The following DHDH variants were observed in gnomAD, a reference collection of about 807,000 sequenced individuals.
The protein encoded by DHDH is trans-1,2-dihydrobenzene-1,2-diol dehydrogenase.
In DHDH, 29 loss-of-function variants were observed where a neutral mutation model predicts 33.2. The ratio of observed to expected loss-of-function variants is 0.87; its 90% CI spans 0.65 to 1.19. The LOEUF (loss-of-function observed/expected upper bound fraction) is 1.19, where lower values mean the gene tolerates loss of function less well. DHDH is among the 50% of genes most tolerant of loss of function. The pLI, the probability that DHDH is intolerant of heterozygous loss-of-function variation, is 0.00. For synonymous variants in DHDH, 201 were observed against 187.9 expected (o/e 1.07, Z -0.57); for missense variants, 431 against 455.0 (o/e 0.95, Z 0.48).
intron 2 of DHDH, 139 bp downstream of exon 2, chr19:48,935,250 T>A: frequency 1.6e-6 from 1 of 620,844 alleles, no homozygotes; most frequent in Non-Finnish European, 2.5e-6. Context: ...GGAGGAGAAC[T>A]ATAAAACGGG....
At position 48,933,742 on chromosome 19, in the gene DHDH, C is replaced by T. The variant is rs143236350; in HGVS notation, c.21C>T (p.Ile7=). The part of the protein sequence containing the change: MALRWG[I]VSVGLISSDF... ...CAACCATGGCGCTGCGCTGGGGCAT[C>T]GTGTCTGTCGGCCTCATCTCCAGCG... Residue 7 remains isoleucine, a synonymous_variant, in exon 1 of 7, where the codon ATC becomes ATT. Transcript: ENST00000221403. The T allele has an allele frequency of 3.1e-6, 5 of 1,613,326 alleles. No individual in the cohort carries two copies. In the African/African-American group the frequency reaches 6.7e-5, roughly 22 times the overall value.
intron 3 of DHDH, 72 bp from the exon 4 acceptor site, chr19:48,939,377 G>A: frequency 2.0e-6 from 3 of 1,526,558 alleles, no homozygotes; most frequent in Admixed American, 2.0e-5. Flanking sequence ...GTTGCAGTGG[G>A]TATCCCCCTA....
At chr19:48,938,513 G>C (rs981681901) in intron 3 of DHDH, among the ~76,000 whole-genome samples, 1 of 152,012 alleles carries the variant, frequency 6.6e-6, no homozygotes. Context: ...CTCCTTTAAG[G>C]AGTTTCACTA....
intron 5 of DHDH, among the ~76,000 whole-genome samples, chr19:48,943,999 AAAAGAAAGAAAG>A (rs547584496): frequency 1.3e-5 from 2 of 151,940 alleles, no homozygotes; most frequent in East Asian, 1.9e-4. Flanking sequence ...CATCTCAAAA[AAAAGAAAGAAAG>A]AAAGAAAGAA....
At chr19:48,944,673 C>A in intron 6 of DHDH, 151 bp from the exon 7 acceptor site, 1 of 1,197,556 alleles carries the variant, frequency 8.4e-7, no homozygotes, top group Non-Finnish European at 1.2e-6. Flanking sequence ...AAGACTCTCA[C>A]TCCAAAAAAA....
At chr19:48,933,192 G>T (rs2037726693), upstream of DHDH, among the ~76,000 whole-genome samples, 2 of 152,196 alleles carry the variant, frequency 1.3e-5, no homozygotes, top group Non-Finnish European at 2.9e-5. Context: ...TCTGCGGGGA[G>T]AAATTAGGAA....
intron 3 of DHDH, among the ~76,000 whole-genome samples, chr19:48,939,117 G>C (rs1174112241): frequency 3.3e-5 from 5 of 151,972 alleles, no homozygotes; most frequent in Admixed American, 6.6e-5. Flanking sequence ...CATAACATGG[G>C]GAGACTGGGG....
rs758230886 is a variant in DHDH at position 48,941,392 on chromosome 19, T to G, written c.620-1048T>G. ...ATGGGCAAATAGACTGTAATTTTTG[T>G]TTTTTTTTAGATAGTATCTCACTTT... On this transcript the variant is annotated intron_variant, in intron 4 of 6. Coordinates refer to ENST00000221403, the MANE Select transcript of DHDH (RefSeq NM_014475.4). Among the ~76,000 whole-genome samples the G allele has an allele frequency of 5.8e-4, 87 of 149,414 alleles. 1 individual carries two copies. Among genetic ancestry groups the G allele is most frequent in the Non-Finnish European group, 7.3e-4 (49 of 66,944 alleles).
At chr19:48,936,711 C>CAA (rs201495339) in intron 3 of DHDH, among the ~76,000 whole-genome samples, 56 of 87,468 alleles carry the variant, frequency 6.4e-4, no homozygotes, top group African/African-American at 1.3e-3. Flanking sequence ...AGAAAAAAAA[C>CAA]AAACAAAAAA....
chr19:48,935,518 C>T (rs1038638671), intron 2 of DHDH, among the ~76,000 whole-genome samples: 2 of 147,270 alleles, frequency 1.4e-5, no homozygotes, highest in Non-Finnish European at 3.0e-5. Context: ...GAGACTTGGT[C>T]TTAGAAATAA....
intron 3 of DHDH, among the ~76,000 whole-genome samples, chr19:48,938,423 G>A (rs1174174431): frequency 6.6e-6 from 1 of 151,720 alleles, no homozygotes; most frequent in Non-Finnish European, 1.5e-5. Flanking sequence ...TTTTTTTGTT[G>A]TTGTCATTTT....
chr19:48,939,592 T>G lies in DHDH; in HGVS notation c.510T>G (p.Ala170=). The change falls in exon 4 of 7, where the codon GCT becomes GCG. Residue 170 remains alanine, a synonymous_variant. Transcript: ENST00000221403. ...CCCGGGCCGTAGACCGGGCCCAGGC[T>G]GGGGGGGCCCTGCTGGACATCGGCA... The part of the protein sequence containing the change: ...HVPRAVDRAQ[A]GGALLDIGIY... 1 of 1,613,730 alleles carries G rather than the reference T, an allele frequency of 6.2e-7. No homozygotes were observed. Among genetic ancestry groups the G allele is most frequent in the Non-Finnish European group, 8.5e-7 (1 of 1,179,952 alleles).
upstream of DHDH, among the ~76,000 whole-genome samples, chr19:48,932,795 C>T (rs377191553): frequency 2.6e-4 from 39 of 152,038 alleles, no homozygotes; most frequent in East Asian, 5.0e-3. Context: ...GGCGACAGAG[C>T]GAGACCCTAT....
Position 48,935,018 on chromosome 19 carries a change from C to G in DHDH, c.109C>G (p.Arg37Gly). ...SEHQVVAVAA[R>G]DLSRAKEFAQ... ...CCTCCAGGTGGTGGCGGTGGCGGCC[C>G]GCGATCTGAGCCGTGCGAAGGAGTT... The change falls in exon 2 of 7, where the codon CGC becomes GGC. Residue 37 changes from arginine (R) to glycine (G), a missense_variant. Coordinates refer to ENST00000221403, the MANE Select transcript of DHDH (RefSeq NM_014475.4). 2 of 1,570,862 alleles carry G rather than the reference C, an allele frequency of 1.3e-6. No individual in the cohort carries two copies. The highest frequency in any genetic ancestry group is 1.7e-4 in the Middle Eastern group (1 of 5,984).
chr19:48,937,418 G>A (rs1399577051), intron 3 of DHDH, among the ~76,000 whole-genome samples: 1 of 152,128 alleles, frequency 6.6e-6, no homozygotes, highest in Non-Finnish European at 1.5e-5. Context: ...GCTCACGCCT[G>A]TAATCCCAGC....
In DHDH at chr19:48,935,935, G is replaced by C. The variant is rs553797239; in HGVS notation, c.203-97G>C. ...GAGACAGGGGTGTGACCGACCACCTGGTCCCTGGGTGCTAGGGCGGGGCCT... is the reference window on the plus strand; with the variant it reads ...GAGACAGGGGTGTGACCGACCACCTCGTCCCTGGGTGCTAGGGCGGGGCCT... On this transcript the variant is annotated intron_variant, in intron 2 of 6. Transcript: ENST00000221403. 35 of 1,482,752 alleles carry C rather than the reference G, an allele frequency of 2.4e-5. No homozygotes were observed. In the Admixed American group the frequency reaches 7.2e-4, roughly 30 times the overall value. The allele number at this position is 1,482,752 out of a possible 1,614,324, so 91.8% of individuals were successfully genotyped here.
intron 5 of DHDH, 147 bp from the exon 6 acceptor site, chr19:48,944,210 T>G: frequency 9.7e-7 from 1 of 1,027,330 alleles, no homozygotes; most frequent in Non-Finnish European, 1.4e-6. Context: ...TGAAGGAGGG[T>G]CCAAAGCTCC....
chr19:48,936,929 G>A (rs907990447), intron 3 of DHDH, among the ~76,000 whole-genome samples: 5 of 150,952 alleles, frequency 3.3e-5, no homozygotes, highest in Non-Finnish European at 5.9e-5. Flanking sequence ...GACTACAGGC[G>A]CCCGCCACCA....
Position 48,936,126 on chromosome 19 carries a change from G to T in DHDH, c.297G>T (p.Thr99=), listed in dbSNP as rs754292496. The T allele has an allele frequency of 6.2e-7, 1 of 1,610,790 alleles. No individual in the cohort carries two copies. The highest frequency in any genetic ancestry group is 8.5e-7 in the Non-Finnish European group (1 of 1,179,214). The change falls in exon 3 of 7, where the codon ACG becomes ACT. Residue 99 remains threonine (T), a synonymous_variant. Coordinates refer to ENST00000221403, the MANE Select transcript of DHDH (RefSeq NM_014475.4). The stretch of plus-strand genomic sequence containing the variant: ...AGGCCGTTCTGTGCGAGAAGCCCAC[G>T]GGCGTGAACGCGGCGGAAGTTCGCG... The part of the protein sequence containing the change: ...AGKAVLCEKP[T]GVNAAEVREM...
Sources: allele counts gnomAD v4.1 joint callset (sites outside exome capture counted in the v4.1 genomes callset), GRCh38; gene constraint gnomAD v4.1.1; transcripts MANE v1.5; gene names NCBI Gene and HGNC (gene_info 2026-07-23, HGNC 2026-07-21).